Variants in ACCS observed in about 807,000 individuals in gnomAD.
ACCS encodes the protein 1-aminocyclopropane-1-carboxylate synthase-like protein 1.
Under a neutral mutation model 59.8 loss-of-function variants are expected in ACCS, and 42 were observed. The ratio of observed to expected loss-of-function variants is 0.70; its 90% CI spans 0.55 to 0.91. The LOEUF (loss-of-function observed/expected upper bound fraction) is 0.91, where lower values mean the gene tolerates loss of function less well. Among genes scored for constraint, ACCS ranks in the 40% least tolerant of loss-of-function variants. The probability of loss-of-function intolerance (pLI) is 0.00; values close to 1 mark genes in which losing one functional copy is unlikely to be tolerated. For synonymous variants in ACCS, 230 were observed against 240.3 expected (o/e 0.96, Z 0.40); for missense variants, 602 against 630.4 (o/e 0.95, Z 0.48).
chr11:44,083,142 A>C, intron 12 of ACCS, 27 bp from the exon 13 acceptor site: 1 of 1,538,986 alleles, frequency 6.5e-7, no homozygotes, highest in Non-Finnish European at 8.7e-7. Flanking sequence ...TGGGATATTG[A>C]TCTTCTGGCC....
chr11:44,076,731 A>AG (rs368558700), intron 6 of ACCS, among the ~76,000 whole-genome samples: 160 of 152,364 alleles, frequency 1.1e-3, no homozygotes, highest in Admixed American at 3.7e-3. Context: ...ATAATTAGAA[A>AG]GGGGGCTGTA....
Position 44,083,865 on chromosome 11 carries a change from C to CT in ACCS, c.*74dup. The CT allele has an allele frequency of 1.3e-6, 2 of 1,545,856 alleles. No homozygotes were observed. The highest frequency in any genetic ancestry group is 2.4e-5 in the South Asian group (2 of 83,764). On this transcript the variant is annotated 3_prime_UTR_variant, in exon 15 of 15. Transcript: ENST00000263776. ...TGGGGCGTTCTGGGGCTGCAGAAGA[C>CT]TGACTGTGGATGTGCCATTTGCCAG...
chr11:44,078,578 C>A, intron 8 of ACCS, 106 bp from the exon 9 acceptor site: 1 of 802,472 alleles, frequency 1.2e-6, no homozygotes. Flanking sequence ...TGAACATGTC[C>A]CCCTCAAATC....
At chr11:44,071,132 G>A (rs1953029761) in intron 2 of ACCS, 124 bp from the exon 3 acceptor site, 1 of 943,814 alleles carries the variant, frequency 1.1e-6, no homozygotes, top group South Asian at 1.4e-5. Context: ...GGCAAGGAGG[G>A]ATGTTTGAAA....
In ACCS at chr11:44,080,852, C is replaced by T. The variant is rs559398271; in HGVS notation, c.924-168C>T. 1.0e-5 allele frequency: 8 copies of T among 769,300 alleles called. No individual in the cohort carries two copies. The South Asian group carries it at 1.2e-4, about 12-fold the overall frequency. The allele number at this position is 769,300 out of a possible 1,614,324, so 47.7% of individuals were successfully genotyped here. ...GGCCCGCGGGCTGTCATTTGCTAAC[C>T]CCTGCTCTAAAGGATGCATGGGAAT... is the stretch of plus-strand genomic sequence containing the variant. On this transcript the variant is annotated intron_variant, in intron 10 of 14. Coordinates refer to ENST00000263776, the MANE Select transcript of ACCS (RefSeq NM_032592.4).
At chr11:44,071,515 A>G (rs1953050903) in intron 3 of ACCS, 200 bp downstream of exon 3, 2 of 570,610 alleles carry the variant, frequency 3.5e-6, no homozygotes, top group South Asian at 2.4e-5. Context: ...CTATTTCTTC[A>G]TCTCTGTAGA....
rs139773069 is a variant in ACCS, at chr11:44,084,142, G to A, written c.*350G>A. The A allele has an allele frequency of 8.2e-5, 18 of 218,312 alleles. No homozygotes were observed. The highest frequency in any genetic ancestry group is 2.5e-4 in the African/African-American group (11 of 43,652). The allele number at this position is 218,312 out of a possible 1,614,324, so 13.5% of individuals were successfully genotyped here. A position where few individuals can be genotyped will look rare whatever the true frequency, so the allele number is the denominator to read the frequency against. On this transcript the variant is annotated 3_prime_UTR_variant, in exon 15 of 15. Coordinates refer to ENST00000263776, the MANE Select transcript of ACCS (RefSeq NM_032592.4). ...CTTGTACCTTCTTTCTGATATCACCGTCATTCCTCTTTCTTTGTCACCAAG... is the reference window on the plus strand; with the variant it reads ...CTTGTACCTTCTTTCTGATATCACCATCATTCCTCTTTCTTTGTCACCAAG...
chr11:44,079,577 T>C lies in ACCS; in HGVS notation c.880T>C (p.Phe294Leu). 6.2e-7 allele frequency: 1 copy of C among 1,612,410 alleles called. No individual in the cohort carries two copies. Among genetic ancestry groups the C allele is most frequent in the South Asian group, 1.1e-5 (1 of 90,388 alleles). The change falls in exon 10 of 15, where the codon TTT becomes CTT. Residue 294 changes from phenylalanine to leucine, a missense_variant. By Grantham distance (22) the Phe-to-Leu change is conservative. Transcript: ENST00000263776. The stretch of plus-strand genomic sequence containing the variant: ...GGATGAGGTCTACATGCTGTCCGTG[T>C]TTGAGAAGTCTGTTGGGTACCGCAG... ...IVDEVYMLSV[F>L]EKSVGYRSVL...
chr11:44,067,655 A>T lies in ACCS; in HGVS notation c.28A>T (p.Arg10Trp), dbSNP rs1248556484. 6.2e-7 allele frequency: 1 copy of T among 1,612,654 alleles called. No homozygotes were observed. The change falls in exon 2 of 15, where the codon AGG becomes TGG. Residue 10 changes from arginine to tryptophan, a missense_variant. Arg to Trp is a moderately radical substitution (Grantham distance 101). Transcript: ENST00000263776. The stretch of plus-strand genomic sequence containing the variant: ...GTTCACCCTTCCTCAAAAGGACTTC[A>T]GGGCTCCCACCACCTGTCTGGGCCC... MFTLPQKDF[R>W]APTTCLGPTC...
rs561224817 is a variant in ACCS at position 44,073,308 on chromosome 11, G to A, written c.349-139G>A. The A allele has an allele frequency of 3.4e-5, 25 of 745,192 alleles. 1 individual carries two copies. In the East Asian group the frequency reaches 3.8e-4, roughly 11 times the overall value. 46.2% of individuals were successfully genotyped at this position (745,192 alleles called of 1,614,324 possible). ...CTCAGTTTCCTCACCTGCAACATGG[G>A]TATGAGAAAGCTGTCACTCTCTGCC... On this transcript the variant is annotated intron_variant, in intron 3 of 14. Transcript: ENST00000263776.
chr11:44,079,501 TC>T (rs1355659007), intron 9 of ACCS, 29 bp from the exon 10 acceptor site: 22 of 1,584,584 alleles, frequency 1.4e-5, no homozygotes, highest in Non-Finnish European at 1.9e-5. Flanking sequence ...ACACACTAAG[TC>T]TCTCCTCCCC....
chr11:44,077,976 C>A, intron 8 of ACCS, 54 bp downstream of exon 8: 1 of 1,577,700 alleles, frequency 6.3e-7, no homozygotes, highest in South Asian at 1.2e-5. Flanking sequence ...TGAGCAGGGT[C>A]TGGACCCCTC....
At chr11:44,071,499 G>A in intron 3 of ACCS, 184 bp downstream of exon 3, 1 of 601,760 alleles carries the variant, frequency 1.7e-6, no homozygotes, top group Non-Finnish European at 2.9e-6. Flanking sequence ...CTTCCCCACT[G>A]TAGTCCTATT....
chr11:44,083,563 A>C lies in ACCS; in HGVS notation c.1394A>C (p.His465Pro). 1 of 1,614,230 alleles carries C rather than the reference A, an allele frequency of 6.2e-7. No individual in the cohort carries two copies. Among genetic ancestry groups the C allele is most frequent in the Non-Finnish European group, 8.5e-7 (1 of 1,180,036 alleles). ...WFRFVFSDQV[H>P]RLCLGMQRVQ... ...CGCTTTGTCTTCTCAGACCAGGTCC[A>C]CCGGCTTTGCCTGGGTGAGCAGCCT... Residue 465 changes from histidine to proline, a missense_variant, in exon 14 of 15, where the codon CAC (histidine) becomes CCC (proline). Coordinates refer to ENST00000263776, the MANE Select transcript of ACCS (RefSeq NM_032592.4).
chr11:44,080,938 C>T lies in ACCS; in HGVS notation c.924-82C>T, dbSNP rs117991119. 1.1e-4 allele frequency: 163 copies of T among 1,542,694 alleles called. No homozygotes were observed. In the East Asian group the frequency reaches 2.9e-3, roughly 28 times the overall value. On this transcript the variant is annotated intron_variant, in intron 10 of 14. Coordinates refer to ENST00000263776, the MANE Select transcript of ACCS (RefSeq NM_032592.4). ...GGAACCAAAACTAGATTCAACCACC[C>T]ATCTCTTCATTTGTTCAACCAAACA...
At chr11:44,082,187 AGGAG>A (rs1953670649) in intron 12 of ACCS, 1 of 140,000 alleles carries the variant, frequency 7.1e-6, no homozygotes. Context: ...CACTGCTGGT[AGGAG>A]TGTAAGTAGT....
At chr11:44,078,954 C>G (rs1953507316) in intron 9 of ACCS, 170 bp downstream of exon 9, 1 of 600,108 alleles carries the variant, frequency 1.7e-6, no homozygotes, top group African/African-American at 1.9e-5. Context: ...GCCCATTCCT[C>G]TTTATCTTTC....
chr11:44,081,427 G>A, intron 12 of ACCS, 107 bp downstream of exon 12: 1 of 1,491,040 alleles, frequency 6.7e-7, no homozygotes. Context: ...TTAGGGTAAT[G>A]TTTGAGAGTG....
intron 4 of ACCS, among the ~76,000 whole-genome samples, chr11:44,074,402 T>C (rs1001806536): frequency 1.3e-5 from 2 of 151,920 alleles, no homozygotes; most frequent in Non-Finnish European, 2.9e-5. Flanking sequence ...AGTCTCCTGA[T>C]TAGGTGGGGT....
Sources: allele counts gnomAD v4.1 joint callset (sites outside exome capture counted in the v4.1 genomes callset), GRCh38; gene constraint gnomAD v4.1.1; transcripts MANE v1.5; gene names NCBI Gene and HGNC (gene_info 2026-07-23, HGNC 2026-07-21).